Variants in SASH1 observed in about 807,000 individuals in gnomAD.
SASH1 encodes the protein SAM and SH3 domain containing 1.
Under a neutral mutation model 125.2 loss-of-function variants are expected in SASH1, and 44 were observed. The observed-to-expected ratio is 0.35, with a 90% CI of 0.28 to 0.45. The LOEUF (loss-of-function observed/expected upper bound fraction) is 0.45, where lower values mean the gene tolerates loss of function less well. Among genes scored for constraint, SASH1 ranks in the 20% least tolerant of loss-of-function variants. The pLI is 1.00. For missense variants in SASH1, 1,426 were observed against 1,614.5 expected, an observed-to-expected ratio of 0.88 and a Z score of 2.00; for synonymous variants, 639 against 649.1, an observed-to-expected ratio of 0.98 and a Z score of 0.24.
the SASH1 span, among the ~76,000 whole-genome samples, chr6:148,215,938 A>G: frequency 1.3e-5 from 2 of 152,070 alleles, no homozygotes; most frequent in Non-Finnish European, 2.9e-5. Flanking sequence ...GTTCACTGCA[A>G]CCTGCACCTC....
At chr6:148,307,036 C>CTTTCTTTCTT (rs1478534034) in intron 1 of SASH1, among the ~76,000 whole-genome samples, 7 of 70,384 alleles carry the variant, frequency 9.9e-5, no homozygotes, top group African/African-American at 5.3e-4. Flanking sequence ...TTCTTTCTTT[C>CTTTCTTTCTT]TTTCTTTCTT....
rs181975714 is a variant in SASH1, at chr6:148,402,852, G to A, written c.285+12590G>A. Among the ~76,000 whole-genome samples the A allele has an allele frequency of 6.1e-3, 928 of 152,032 alleles. 7 individuals are homozygous for A. Among genetic ancestry groups the A allele is most frequent in the Admixed American group, 0.011 (166 of 15,258 alleles). On this transcript the variant is annotated intron_variant, in intron 2 of 19. Transcript: ENST00000367467. ...TCTAGATCTCCTGACCTCGTGATCT[G>A]CCTGTCTCGGCCTCCCAAAGTGCTG...
chr6:148,450,641 G>A (rs548834958), intron 4 of SASH1, among the ~76,000 whole-genome samples: 32 of 150,778 alleles, frequency 2.1e-4, no homozygotes, highest in African/African-American at 6.8e-4. Context: ...GTGGCTTCTC[G>A]GGTGATGTCT....
intron 1 of SASH1, among the ~76,000 whole-genome samples, chr6:148,378,983 AG>A (rs1562364522): frequency 6.6e-6 from 1 of 152,210 alleles, no homozygotes; most frequent in South Asian, 2.1e-4. Flanking sequence ...GTGAGGGACA[AG>A]GCACTATCAA....
chr6:148,466,662 A>G (rs899637334), intron 4 of SASH1, among the ~76,000 whole-genome samples: 32 of 152,126 alleles, frequency 2.1e-4, no homozygotes, highest in African/African-American at 7.5e-4. Context: ...CCTGGGCTCA[A>G]GTAGTCCTCC....
chr6:148,388,838 C>CT (rs1450683027), intron 1 of SASH1, among the ~76,000 whole-genome samples: 1 of 152,028 alleles, frequency 6.6e-6, no homozygotes, highest in African/African-American at 2.4e-5. Flanking sequence ...AAGGGGTTGG[C>CT]TAGCAGTCTG....
At position 148,343,039 on chromosome 6, in the gene SASH1, G is replaced by A. The variant is rs1315421585; in HGVS notation, c.-29G>A. 3.2e-6 allele frequency: 4 copies of A among 1,242,076 alleles called. No individual in the cohort carries two copies. The African/African-American group carries it at 6.3e-5, about 20-fold the overall frequency. The allele number at this position is 1,242,076 out of a possible 1,614,324, so 76.9% of individuals were successfully genotyped here. On this transcript the variant is annotated 5_prime_UTR_variant, in exon 1 of 20. Coordinates refer to ENST00000367467, the MANE Select transcript of SASH1 (RefSeq NM_015278.5). Reference sequence around the variant, plus strand: ...GGGGCGAGGGCGCCGCGGGGACTGGGACGCACGGCCCGCGCGCGGGACACG... The same window carrying A: ...GGGGCGAGGGCGCCGCGGGGACTGGAACGCACGGCCCGCGCGCGGGACACG...
At chr6:148,272,097 G>C (rs1779075962), upstream of SASH1, among the ~76,000 whole-genome samples, 1 of 152,110 alleles carries the variant, frequency 6.6e-6, no homozygotes. Context: ...TCGCTTTTGT[G>C]TCATAGTTAT....
At chr6:148,234,829 G>GAA in the SASH1 span, among the ~76,000 whole-genome samples, 21 of 128,972 alleles carry the variant, frequency 1.6e-4, no homozygotes, top group African/African-American at 2.6e-4. Context: ...CTCCGTTTCA[G>GAA]AAAAAAAAAA....
At position 148,551,867 on chromosome 6, in the gene SASH1, C is replaced by A. The variant is rs1205759531; in HGVS notation, c.*3309C>A. 6.6e-6 allele frequency: 1 copy of A among 152,576 alleles called. No homozygotes were observed. The highest frequency in any genetic ancestry group is 2.4e-5 in the African/African-American group (1 of 41,434). The allele number at this position is 152,576 out of a possible 1,614,324, so 9.5% of individuals were successfully genotyped here. A position where few individuals can be genotyped will look rare whatever the true frequency, so the allele number is the denominator to read the frequency against. Reference sequence around the variant, plus strand: ...TGTAATATACCAGTACCAATATGTTCTTGCAATTGCTTCAGCCCAAGAAAG... The same window carrying A: ...TGTAATATACCAGTACCAATATGTTATTGCAATTGCTTCAGCCCAAGAAAG... On this transcript the variant is annotated 3_prime_UTR_variant, in exon 20 of 20. Coordinates refer to ENST00000367467, the MANE Select transcript of SASH1 (RefSeq NM_015278.5).
At chr6:148,315,806 A>G (rs569577860) in intron 1 of SASH1, among the ~76,000 whole-genome samples, 1 of 152,164 alleles carries the variant, frequency 6.6e-6, no homozygotes, top group Non-Finnish European at 1.5e-5. Flanking sequence ...CAGGAGGCTG[A>G]GATAGAAGGA....
chr6:148,449,874 A>G (rs34579953), intron 4 of SASH1, among the ~76,000 whole-genome samples: 6,837 of 152,182 alleles, frequency 0.045, 201 homozygotes, highest in Non-Finnish European at 0.066. Context: ...ACCTCACTTT[A>G]TAACAGCCCA....
At chr6:148,485,094 A>T (rs1231134891) in intron 7 of SASH1, among the ~76,000 whole-genome samples, 1 of 152,170 alleles carries the variant, frequency 6.6e-6, no homozygotes, top group African/African-American at 2.4e-5. Context: ...TATATGATTG[A>T]CTAGTTAGAA....
intron 1 of SASH1, among the ~76,000 whole-genome samples, chr6:148,344,053 T>G (rs990157566): frequency 6.6e-6 from 1 of 152,218 alleles, no homozygotes; most frequent in Non-Finnish European, 1.5e-5. Context: ...CTAGATTTGC[T>G]TTGAGATCTT....
At chr6:148,193,659 A>G in the SASH1 span, among the ~76,000 whole-genome samples, 1 of 152,226 alleles carries the variant, frequency 6.6e-6, no homozygotes, top group Admixed American at 6.5e-5. Context: ...TATCAAGGAC[A>G]TCATGCTGGG....
chr6:148,413,951 A>G (rs560604881), intron 2 of SASH1, among the ~76,000 whole-genome samples: 7 of 152,188 alleles, frequency 4.6e-5, no homozygotes, highest in African/African-American at 1.7e-4. Flanking sequence ...TATGAAGTCT[A>G]TGTAAAAACC....
At chr6:148,398,955 A>G (rs1583086873) in intron 2 of SASH1, among the ~76,000 whole-genome samples, 1 of 152,222 alleles carries the variant, frequency 6.6e-6, no homozygotes, top group Admixed American at 6.5e-5. Flanking sequence ...ACATGGCACT[A>G]TGGGAACGTG....
chr6:148,344,755 CTTTTT>C (rs762490919), intron 1 of SASH1, among the ~76,000 whole-genome samples: 1 of 143,528 alleles, frequency 7.0e-6, no homozygotes, highest in Non-Finnish European at 1.5e-5. Context: ...TTTTTCTTTT[CTTTTT>C]TTTTTTTTTT....
the SASH1 span, among the ~76,000 whole-genome samples, chr6:148,249,455 T>A: frequency 2.0e-5 from 3 of 152,152 alleles, no homozygotes; most frequent in Non-Finnish European, 4.4e-5. Context: ...GTCTGTGTGA[T>A]CAAGCCAGGT....
Sources: gnomAD v4.1 joint callset for allele counts (sites outside exome capture counted in the v4.1 genomes callset) on GRCh38, gnomAD v4.1.1 for gene constraint, MANE v1.5 for transcripts, NCBI Gene and HGNC (gene_info 2026-07-23, HGNC 2026-07-21) for gene names.